The following LARGE1 variants were observed in gnomAD, a reference collection of about 807,000 sequenced individuals.
LARGE1 encodes LARGE xylosyl- and glucuronyltransferase 1.
Under a neutral mutation model 87.6 loss-of-function variants are expected in LARGE1, and 43 were observed. The ratio of observed to expected loss-of-function variants is 0.49; its 90% CI spans 0.38 to 0.63. The LOEUF is 0.63. Ranked by LOEUF, LARGE1 falls within the 30% of genes least tolerant of loss-of-function variation. The probability of loss-of-function intolerance (pLI) is 0.00; values close to 1 mark genes in which losing one functional copy is unlikely to be tolerated. For synonymous variants in LARGE1, 434 were observed against 394.6 expected (o/e 1.10, Z -1.18); for missense variants, 802 against 1,000.2 (o/e 0.80, Z 2.67).
chr22:33,247,044 AGTAT>A (rs769676639), intron 11 of LARGE1, among the ~76,000 whole-genome samples: 28 of 82,902 alleles, frequency 3.4e-4, no homozygotes, highest in East Asian at 1.1e-3. Context: ...AACTGCAGCC[AGTAT>A]GTGTGTGTGT....
intron 7 of LARGE1, among the ~76,000 whole-genome samples, chr22:33,406,505 C>G (rs895249816): frequency 6.6e-6 from 1 of 152,092 alleles, no homozygotes; most frequent in African/African-American, 2.4e-5. Flanking sequence ...CATGTTTTGA[C>G]TTGAACGCAC....
chr22:33,771,656 C>G (rs2085071674), intron 1 of LARGE1, among the ~76,000 whole-genome samples: 1 of 152,168 alleles, frequency 6.6e-6, no homozygotes, highest in Non-Finnish European at 1.5e-5. Flanking sequence ...TGATGACTCC[C>G]ATATTCCTCC....
chr22:33,548,265 G>A (rs529967847), intron 6 of LARGE1, among the ~76,000 whole-genome samples: 9 of 152,316 alleles, frequency 5.9e-5, no homozygotes, highest in African/African-American at 2.2e-4. Flanking sequence ...CTTCTGCCAT[G>A]TAAGATGCCT....
chr22:33,698,704 C>T (rs1482844057), intron 2 of LARGE1, among the ~76,000 whole-genome samples: 1 of 152,224 alleles, frequency 6.6e-6, no homozygotes, highest in African/African-American at 2.4e-5. Flanking sequence ...AACGTCCACT[C>T]ATCCAGCCCA....
chr22:33,500,980 G>T (rs1272169530), intron 6 of LARGE1, among the ~76,000 whole-genome samples: 1 of 152,128 alleles, frequency 6.6e-6, no homozygotes, highest in Non-Finnish European at 1.5e-5. Flanking sequence ...CCAGTGAAAA[G>T]GGTTTAGAGA....
At chr22:33,639,406 C>G (rs1234511259) in intron 3 of LARGE1, among the ~76,000 whole-genome samples, 1 of 152,164 alleles carries the variant, frequency 6.6e-6, no homozygotes, top group Non-Finnish European at 1.5e-5. Context: ...ATAACTGGTG[C>G]TGTTTCAGAT....
At position 33,513,651 on chromosome 22, in the gene LARGE1, A is replaced by G. The variant is rs1026574110; in HGVS notation, c.787+51197T>C. The stretch of plus-strand genomic sequence containing the variant: ...TTAAGTAAAATCTGTCTGGATTGCA[A>G]CAGGACTGATAGAACCCTTGAGTTG... On this transcript the variant is annotated intron_variant, in intron 6 of 14. Coordinates refer to ENST00000397394, the MANE Select transcript of LARGE1 (RefSeq NM_133642.5). 1.6e-4 allele frequency among the ~76,000 whole-genome samples: 25 copies of G among 152,226 alleles called. 2 individuals carry two copies. Among genetic ancestry groups the G allele is most frequent in the Admixed American group, 1.5e-3 (23 of 15,280 alleles).
At chr22:33,259,901 T>C (rs1160929081) in intron 11 of LARGE1, among the ~76,000 whole-genome samples, 1 of 152,216 alleles carries the variant, frequency 6.6e-6, no homozygotes, top group African/African-American at 2.4e-5. Context: ...GGGGTCTTGC[T>C]GACCCTGGAG....
intron 2 of LARGE1, among the ~76,000 whole-genome samples, chr22:33,697,060 A>G (rs1244302300): frequency 1.3e-5 from 2 of 152,142 alleles, no homozygotes; most frequent in Non-Finnish European, 2.9e-5. Flanking sequence ...AGTTTCCACC[A>G]AGCAGACACA....
At chr22:33,797,043 C>T (rs919662628) in intron 1 of LARGE1, among the ~76,000 whole-genome samples, 8 of 152,056 alleles carry the variant, frequency 5.3e-5, no homozygotes, top group South Asian at 2.1e-4. Context: ...GGATCACAGG[C>T]GTGAGCCACC....
the LARGE1 span, among the ~76,000 whole-genome samples, chr22:33,127,938 AT>A: frequency 6.6e-6 from 1 of 152,178 alleles, no homozygotes; most frequent in African/African-American, 2.4e-5. Context: ...TATCTGGAAC[AT>A]TTTGTCCATT....
intron 11 of LARGE1, among the ~76,000 whole-genome samples, chr22:33,228,705 A>T (rs1463785193): frequency 6.6e-6 from 1 of 152,236 alleles, no homozygotes; most frequent in Non-Finnish European, 1.5e-5. Context: ...TACTTAAGGG[A>T]TAAAAACAAA....
At chr22:33,529,735 A>G (rs2072101810) in intron 6 of LARGE1, among the ~76,000 whole-genome samples, 1 of 152,170 alleles carries the variant, frequency 6.6e-6, no homozygotes, top group Non-Finnish European at 1.5e-5. Context: ...GGATGGTAAA[A>G]TAGGAAGCAC....
chr22:33,589,433 T>G (rs999324002), intron 5 of LARGE1, among the ~76,000 whole-genome samples: 2 of 152,188 alleles, frequency 1.3e-5, no homozygotes, highest in African/African-American at 4.8e-5. Flanking sequence ...TTTCCTCCAT[T>G]GTTTTATTAA....
At chr22:33,623,052 T>G (rs142596142) in intron 4 of LARGE1, among the ~76,000 whole-genome samples, 1 of 152,272 alleles carries the variant, frequency 6.6e-6, no homozygotes, top group East Asian at 1.9e-4. Flanking sequence ...CCAGAGGTTT[T>G]TATGACCTTT....
At chr22:33,436,173 T>G (rs1000289757) in intron 6 of LARGE1, among the ~76,000 whole-genome samples, 3 of 152,196 alleles carry the variant, frequency 2.0e-5, no homozygotes, top group Non-Finnish European at 2.9e-5. Flanking sequence ...TGAAAAAAAT[T>G]GCTTAACCTA....
intron 1 of LARGE1, among the ~76,000 whole-genome samples, chr22:33,831,906 T>A (rs1014091518): frequency 2.0e-5 from 3 of 152,122 alleles, no homozygotes; most frequent in Non-Finnish European, 4.4e-5. Flanking sequence ...CCTTTCCAAG[T>A]CGTAAGCTTC....
chr22:33,761,414 G>A lies in LARGE1; in HGVS notation c.63C>T (p.Ile21=), dbSNP rs759218415. 10 of 1,613,806 alleles carry A rather than the reference G, an allele frequency of 6.2e-6. No individual in the cohort carries two copies. The highest frequency in any genetic ancestry group is 8.5e-6 in the Non-Finnish European group (10 of 1,180,010). Residue 21 remains isoleucine, a synonymous_variant, in exon 2 of 15, where the codon ATC becomes ATT. Transcript: ENST00000397394. ...FLAASLSLLC[I]PAITWIYLFS... is the part of the protein sequence containing the mutation. The stretch of plus-strand genomic sequence containing the variant: ...ACAGGTAAATCCAGGTGATGGCTGG[G>A]ATGCAGAGAAGACTCAACGAGGCAG...
At chr22:33,596,667 T>C (rs2078984082) in intron 5 of LARGE1, among the ~76,000 whole-genome samples, 1 of 152,138 alleles carries the variant, frequency 6.6e-6, no homozygotes, top group South Asian at 2.1e-4. Flanking sequence ...CAGTCATTGT[T>C]GGAGGAGAAG....
Sources: gnomAD v4.1 joint callset for allele counts (sites outside exome capture counted in the v4.1 genomes callset) on GRCh38, gnomAD v4.1.1 for gene constraint, MANE v1.5 for transcripts, NCBI Gene and HGNC (gene_info 2026-07-23, HGNC 2026-07-21) for gene names.